GPR143: variants seen among roughly 807,000 people sequenced by gnomAD.
GPR143 encodes G-protein coupled receptor 143.
Under a neutral mutation model 27.6 loss-of-function variants are expected in GPR143, and 8 were observed. The observed-to-expected ratio is 0.29, with a 90% CI of 0.17 to 0.52. The LOEUF (loss-of-function observed/expected upper bound fraction) is 0.52. GPR143 is among the 20% of genes least tolerant of loss of function. The pLI is 0.96. For synonymous variants in GPR143, 156 were observed against 153.2 expected (o/e 1.02, Z -0.13); for missense variants, 303 against 343.1 (o/e 0.88, Z 0.92).
intron 1 of GPR143, among the ~76,000 whole-genome samples, chrX:9,774,796 T>C (rs998374331): frequency 1.8e-5 from 2 of 112,438 alleles, no homozygotes; most frequent in Non-Finnish European, 3.8e-5. Context: ...AACCCCTTCT[T>C]CTCCTCCCAG....
chrX:9,733,498 G>A (rs767805523), intron 8 of GPR143, among the ~76,000 whole-genome samples: 8 of 111,173 alleles, frequency 7.2e-5, no homozygotes, highest in Non-Finnish European at 1.3e-4. Context: ...GCTTGTGCGA[G>A]ATTCCAGGTA....
chrX:9,745,469 A>G, intron 5 of GPR143, among the ~76,000 whole-genome samples: 1 of 112,039 alleles, frequency 8.9e-6, no homozygotes, highest in East Asian at 2.8e-4. Context: ...GGCTCACTCC[A>G]GGACACACTT....
chrX:9,729,386 G>A (rs1210916326), intron 8 of GPR143, among the ~76,000 whole-genome samples: 2 of 111,674 alleles, frequency 1.8e-5, no homozygotes, highest in Non-Finnish European at 1.9e-5. Flanking sequence ...ACACTCCCCC[G>A]TGACCTCACA....
chrX:9,764,193 A>G (rs1308332222), intron 1 of GPR143, among the ~76,000 whole-genome samples: 2 of 111,106 alleles, frequency 1.8e-5, no homozygotes, highest in East Asian at 5.7e-4. Context: ...CGGGTAGCTG[A>G]GGTGGGAGGA....
chrX:9,761,054 G>T (rs192216827), intron 1 of GPR143, among the ~76,000 whole-genome samples: 1 of 110,834 alleles, frequency 9.0e-6, no homozygotes, highest in East Asian at 2.8e-4. Flanking sequence ...AGAAAAAGAA[G>T]ATTGAAACTC....
upstream of GPR143, among the ~76,000 whole-genome samples, chrX:9,770,492 T>C (rs1168407211): frequency 9.0e-6 from 1 of 110,716 alleles, no homozygotes; most frequent in African/African-American, 3.3e-5. Flanking sequence ...TAGCAGCTGC[T>C]TGAAAGGCTG....
chrX:9,741,074 T>G, intron 7 of GPR143: 1 of 296,309 alleles, frequency 3.4e-6, no homozygotes, highest in African/African-American at 2.7e-5. Flanking sequence ...TTCTTCTGAT[T>G]TTTTTTCAAG....
rs34266967 is a variant in GPR143 at position 9,755,490 on chromosome X, TAAAA to T, written c.455+3838_455+3841del. Among the ~76,000 whole-genome samples the T allele has an allele frequency of 1.7e-3, 129 of 75,030 alleles. 1 individual carries two copies. The highest frequency in any genetic ancestry group is 7.2e-3 in the Middle Eastern group (1 of 138). The allele number at this position is 75,030 out of a possible 115,157, so 65.2% of individuals were successfully genotyped here. A position where few individuals can be genotyped will look rare whatever the true frequency, so the allele number is the denominator to read the frequency against. ...AAGAAACTAAGAGTGAAACTCCATC[TAAAA>T]AAAAAAAAAAAAAACTAACTTCTGA... On this transcript the variant is annotated intron_variant, in intron 3 of 8. Transcript: ENST00000467482.
rs2083322748 is a variant in GPR143, at chrX:9,725,769, G to A, written c.1192C>T (p.Leu398Phe). Residue 398 changes from leucine (L) to phenylalanine (F), a missense_variant, in exon 9 of 9, where the codon CTC (leucine) becomes TTC (phenylalanine). By Grantham distance (22) the Leu-to-Phe change is conservative (BLOSUM62 0). Coordinates refer to ENST00000467482, the MANE Select transcript of GPR143 (RefSeq NM_000273.3). ...SCNKNEGDPA[L>F]PTHGDL ...CTTCATAGGTCTCCATGGGTTGGGAGAGCAGGGTCACCCTCATTTTTGTTG... is the reference window on the plus strand; with the variant it reads ...CTTCATAGGTCTCCATGGGTTGGGAAAGCAGGGTCACCCTCATTTTTGTTG... The A allele has an allele frequency of 8.3e-6, 10 of 1,207,820 alleles. 1 individual carries two copies. The Admixed American group carries it at 2.2e-4, about 26-fold the overall frequency.
intron 8 of GPR143, among the ~76,000 whole-genome samples, chrX:9,733,586 G>T (rs2083365434): frequency 1.8e-5 from 2 of 111,597 alleles, no homozygotes; most frequent in Admixed American, 9.5e-5. Flanking sequence ...GAAAGATTGG[G>T]ATTGTGGGGG....
In GPR143 at chrX:9,743,652, CT is replaced by C; in HGVS notation, c.679del (p.Arg227AspfsTer15). 1 of 1,157,861 alleles carries C rather than the reference CT, an allele frequency of 8.6e-7. No homozygotes were observed. Among genetic ancestry groups the C allele is most frequent in the Non-Finnish European group, 1.2e-6 (1 of 846,181 alleles). On this transcript the variant is annotated frameshift_variant, in exon 6 of 9. Coordinates refer to ENST00000467482, the MANE Select transcript of GPR143 (RefSeq NM_000273.3). LOFTEE classifies it high-confidence loss of function. Reference sequence around the variant, plus strand: ...CTCGTTCTCCGTGTAAATGCCTTGTCTTCCTTTAAGTAAAGAGGCCACTGTG... The same window carrying C: ...CTCGTTCTCCGTGTAAATGCCTTGTCTCCTTTAAGTAAAGAGGCCACTGTG... ...VTAVASLLKG[R>X]QGIYTENERR...
At position 9,739,543 on chromosome X, in the gene GPR143, C is replaced by T; in HGVS notation, c.1062G>A (p.Gly354=). Residue 354 remains glycine, a synonymous_variant, in exon 8 of 9, where the codon GGG becomes GGA. Transcript: ENST00000467482. ...TCTGCCCACCCACTTGAGACACCTT[C>T]CCGGAAGCAGGGTTTTCATGGGGCA... ...PLMPHENPAS[G]KVSQVGGQTS... 1.7e-6 allele frequency: 2 copies of T among 1,211,457 alleles called. No individual in the cohort carries two copies.
At chrX:9,752,370 G>A (rs1253891947) in intron 3 of GPR143, among the ~76,000 whole-genome samples, 1 of 112,109 alleles carries the variant, frequency 8.9e-6, no homozygotes, top group East Asian at 2.8e-4. Flanking sequence ...GCCTGGCAGA[G>A]ACTATGTTTA....
At chrX:9,748,517 G>T in intron 4 of GPR143, 57 bp downstream of exon 4, 1 of 798,072 alleles carries the variant, frequency 1.3e-6, no homozygotes, top group Non-Finnish European at 1.9e-6. Flanking sequence ...TTCCCTGCAA[G>T]ACAACACATT....
intron 3 of GPR143, among the ~76,000 whole-genome samples, chrX:9,754,224 C>T (rs905339394): frequency 2.7e-5 from 3 of 112,003 alleles, no homozygotes; most frequent in Non-Finnish European, 5.6e-5. Flanking sequence ...TGAGAAAGGA[C>T]ACCCTTCTAC....
At position 9,765,705 on chromosome X, in the gene GPR143, C is replaced by T; in HGVS notation, c.113G>A (p.Gly38Glu). ...CAGAAGGCCCAGCGCCAAGCGGAGC[C>T]CGCCGCTGCCCAGGCAGAGCGCGTG... ...AFHALCLGSG[G>E]LRLALGLLQL... is the part of the protein sequence containing the mutation. The change falls in exon 1 of 9, where the codon GGG (glycine) becomes GAG (glutamate). Residue 38 changes from glycine to glutamate, a missense_variant. Gly to Glu is a moderately conservative substitution (Grantham distance 98, BLOSUM62 -2). Transcript: ENST00000467482. 9.0e-7 allele frequency: 1 copy of T among 1,111,583 alleles called. No individual in the cohort carries two copies. The highest frequency in any genetic ancestry group is 2.1e-5 in the South Asian group (1 of 48,580). 91.6% of individuals were successfully genotyped at this position (1,111,583 alleles called of 1,213,427 possible). A position where few individuals can be genotyped will look rare whatever the true frequency, so the allele number is the denominator to read the frequency against.
intron 8 of GPR143, among the ~76,000 whole-genome samples, chrX:9,727,112 C>T (rs765836187): frequency 8.2e-4 from 93 of 113,177 alleles, no homozygotes; most frequent in African/African-American, 2.7e-3. Flanking sequence ...CTGCTGGTAA[C>T]GGATGAAATC....
At chrX:9,749,113 A>C (rs2083440608) in intron 3 of GPR143, among the ~76,000 whole-genome samples, 1 of 111,862 alleles carries the variant, frequency 8.9e-6, no homozygotes, top group African/African-American at 3.3e-5. Flanking sequence ...TGGTTGGAGG[A>C]CGGAAATGAC....
chrX:9,732,863 C>T (rs1569115365), intron 8 of GPR143, among the ~76,000 whole-genome samples: 1 of 48,270 alleles, frequency 2.1e-5, no homozygotes, highest in Non-Finnish European at 3.8e-5. Flanking sequence ...GAAACTCCAT[C>T]TCAAAAAAAA....
Sources: gnomAD v4.1 joint callset for allele counts (sites outside exome capture counted in the v4.1 genomes callset) on GRCh38, gnomAD v4.1.1 for gene constraint, MANE v1.5 for transcripts, NCBI Gene and HGNC (gene_info 2026-07-23, HGNC 2026-07-21) for gene names.